FAT3: variants seen among roughly 807,000 people sequenced by gnomAD.
The protein encoded by FAT3 is protocadherin Fat 3.
A neutral mutation model predicts 310.2 loss-of-function variants in FAT3; 95 were observed. The observed-to-expected ratio is 0.31, with a 90% CI of 0.26 to 0.36. The LOEUF (loss-of-function observed/expected upper bound fraction) is 0.36, where lower values mean the gene tolerates loss of function less well. Among genes scored for constraint, FAT3 ranks in the 10% least tolerant of loss-of-function variants. The pLI is 1.00. For synonymous variants in FAT3, 2,314 were observed against 2,192.9 expected (o/e 1.06, Z -1.54); for missense variants, 5,408 against 5,715.6 (o/e 0.95, Z 1.74).
At chr11:92,512,942 GAAAC>G (rs1389651481) in intron 2 of FAT3, among the ~76,000 whole-genome samples, 6 of 98,742 alleles carry the variant, frequency 6.1e-5, no homozygotes, top group Non-Finnish European at 8.1e-5. Flanking sequence ...CTAACACGGT[GAAAC>G]CCCGTCTCTA....
Position 92,799,397 on chromosome 11 carries a change from C to T in FAT3, c.6384C>T (p.Gly2128=). Residue 2128 remains glycine, a synonymous_variant, in exon 10 of 28, where the codon GGC becomes GGT. Coordinates refer to ENST00000525166, the MANE Select transcript of FAT3 (RefSeq NM_001367949.2). The part of the protein sequence containing the change: ...EVTYVLQDDY[G]HFEINPNSGN... ...CCTATGTCCTGCAGGATGACTATGG[C>T]CACTTTGAAATTAACCCTAATTCAG... The T allele has an allele frequency of 6.2e-7, 1 of 1,613,550 alleles. No homozygotes were observed.
In FAT3 at chr11:92,800,328, C is replaced by T. The variant is rs773573938; in HGVS notation, c.7315C>T (p.Arg2439Trp). The change falls in exon 10 of 28, where the codon CGG becomes TGG. Residue 2439 changes from arginine (R) to tryptophan (W), a missense_variant. Physicochemically the swap from Arg to Trp is moderately radical, Grantham distance 101. Around this residue, in one of 5 missense-constraint regions of FAT3, gnomAD observed 4,588 missense variants for 4,809.8 expected, o/e 0.95. Coordinates refer to ENST00000525166, the MANE Select transcript of FAT3 (RefSeq NM_001367949.2). ...LEYSILSGND[R>W]TSFLMDSKSG... ...ATATAGCATTTTATCTGGGAATGAC[C>T]GGACGAGCTTTCTGATGGACAGCAA... The T allele has an allele frequency of 1.3e-5, 21 of 1,613,802 alleles. No homozygotes were observed. The highest frequency in any genetic ancestry group is 2.7e-5 in the African/African-American group (2 of 74,912).
intron 7 of FAT3, among the ~76,000 whole-genome samples, chr11:92,781,323 T>TC (rs1400918932): frequency 1.3e-5 from 2 of 151,776 alleles, no homozygotes; most frequent in African/African-American, 4.8e-5. Context: ...TCTCAAGTGA[T>TC]CCACCCGCCT....
intron 19 of FAT3, among the ~76,000 whole-genome samples, chr11:92,845,454 A>G (rs1197124734): frequency 6.6e-6 from 1 of 152,192 alleles, no homozygotes; most frequent in Non-Finnish European, 1.5e-5. Flanking sequence ...AACAGAGGCC[A>G]GATGTCCAGG....
chr11:92,422,151 CA>C (rs1950544987), intron 2 of FAT3, among the ~76,000 whole-genome samples: 1 of 152,162 alleles, frequency 6.6e-6, no homozygotes, highest in Admixed American at 6.6e-5. Context: ...CTATACTCCA[CA>C]AGTCTTTGGA....
At chr11:92,440,908 C>G (rs893412131) in intron 2 of FAT3, among the ~76,000 whole-genome samples, 1 of 152,130 alleles carries the variant, frequency 6.6e-6, no homozygotes, top group African/African-American at 2.4e-5. Flanking sequence ...CAGGTACATT[C>G]CTTAACCTGA....
At position 92,372,796 on chromosome 11, in the gene FAT3, G is replaced by A. The variant is rs879711474; in HGVS notation, c.3292+17392G>A. On this transcript the variant is annotated intron_variant, in intron 2 of 27. Transcript: ENST00000525166. Reference sequence around the variant, plus strand: ...CTGCCTCAGCCTCCTGAGAAGCTGGGACTACAGGCGCCTGCCACCACGCCC... The same window carrying A: ...CTGCCTCAGCCTCCTGAGAAGCTGGAACTACAGGCGCCTGCCACCACGCCC... Among the ~76,000 whole-genome samples, 144 of 152,140 alleles carry A rather than the reference G, an allele frequency of 9.5e-4. 1 individual carries two copies. Among genetic ancestry groups the A allele is most frequent in the Non-Finnish European group, 1.8e-3 (124 of 68,004 alleles).
At chr11:92,635,432 A>C (rs1462548350) in intron 3 of FAT3, among the ~76,000 whole-genome samples, 1 of 152,204 alleles carries the variant, frequency 6.6e-6, no homozygotes, top group East Asian at 1.9e-4. Flanking sequence ...AATATATTTG[A>C]TAATAAGCCA....
intron 2 of FAT3, among the ~76,000 whole-genome samples, chr11:92,458,785 A>G (rs1951565666): frequency 6.6e-6 from 1 of 152,166 alleles, no homozygotes; most frequent in Non-Finnish European, 1.5e-5. Flanking sequence ...CTTGGCCCTG[A>G]GCAGGCTGTG....
At chr11:92,361,514 G>C (rs1948882866) in intron 2 of FAT3, among the ~76,000 whole-genome samples, 1 of 152,154 alleles carries the variant, frequency 6.6e-6, no homozygotes, top group African/African-American at 2.4e-5. Context: ...TAGCTCCCCT[G>C]CTCTTCTGCC....
intron 2 of FAT3, among the ~76,000 whole-genome samples, chr11:92,495,031 T>A (rs932768516): frequency 6.6e-6 from 1 of 152,060 alleles, no homozygotes; most frequent in Non-Finnish European, 1.5e-5. Flanking sequence ...TGATTTGCAA[T>A]AGAAAGAAAA....
intron 3 of FAT3, among the ~76,000 whole-genome samples, chr11:92,539,445 T>A (rs1349236146): frequency 6.6e-6 from 1 of 152,152 alleles, no homozygotes; most frequent in Non-Finnish European, 1.5e-5. Flanking sequence ...TTTTGCTGGG[T>A]TGTAATAGCT....
intron 1 of FAT3, among the ~76,000 whole-genome samples, chr11:92,227,924 T>A (rs1863990493): frequency 2.4e-5 from 1 of 42,366 alleles, no homozygotes; most frequent in African/African-American, 6.7e-5. Flanking sequence ...GTTTTTTTTA[T>A]TTTTTTTTTA....
chr11:92,723,560 T>G (rs1002830917), intron 4 of FAT3, among the ~76,000 whole-genome samples: 3 of 152,204 alleles, frequency 2.0e-5, no homozygotes, highest in Admixed American at 1.3e-4. Flanking sequence ...CAGCAGGGCT[T>G]CACTCTCGGT....
intron 1 of FAT3, among the ~76,000 whole-genome samples, chr11:92,312,729 C>G (rs1448330927): frequency 6.6e-6 from 1 of 152,044 alleles, no homozygotes. Flanking sequence ...ATATGGGTTT[C>G]CCAAACAACT....
intron 2 of FAT3, among the ~76,000 whole-genome samples, chr11:92,396,793 A>G (rs763408868): frequency 3.9e-5 from 6 of 151,928 alleles, no homozygotes; most frequent in Non-Finnish European, 8.8e-5. Flanking sequence ...TGCAACCTCC[A>G]CCCTCGGGGT....
chr11:92,725,894 C>T (rs1665523424), intron 4 of FAT3, among the ~76,000 whole-genome samples: 1 of 152,104 alleles, frequency 6.6e-6, no homozygotes, highest in Non-Finnish European at 1.5e-5. Flanking sequence ...CTCCATTATC[C>T]CTCTACAAGT....
At chr11:92,668,694 C>G (rs919284285) in intron 3 of FAT3, among the ~76,000 whole-genome samples, 2 of 152,184 alleles carry the variant, frequency 1.3e-5, no homozygotes, top group African/African-American at 4.8e-5. Flanking sequence ...TGTCAAATTC[C>G]TAGCACCATG....
intron 1 of FAT3, among the ~76,000 whole-genome samples, chr11:92,257,100 C>T (rs1242243203): frequency 6.6e-6 from 1 of 152,046 alleles, no homozygotes; most frequent in African/African-American, 2.4e-5. Flanking sequence ...TTGTCCCTAC[C>T]TCAGAGGTTG....
Sources: allele counts gnomAD v4.1 joint callset (sites outside exome capture counted in the v4.1 genomes callset), GRCh38; gene constraint gnomAD v4.1.1; regional missense constraint gnomAD v4.1.1; transcripts MANE v1.5; gene names NCBI Gene and HGNC (gene_info 2026-07-23, HGNC 2026-07-21).